ASB3: variants seen among roughly 807,000 people sequenced by gnomAD.
ASB3 encodes ankyrin repeat and SOCS box protein 3.
Under a neutral mutation model 54.5 loss-of-function variants are expected in ASB3, and 41 were observed. The ratio of observed to expected loss-of-function variants is 0.75; its 90% confidence interval spans 0.59 to 0.98. The LOEUF (loss-of-function observed/expected upper bound fraction) is 0.98. ASB3 is among the 50% of genes least tolerant of loss of function. The pLI, the probability that ASB3 is intolerant of heterozygous loss-of-function variation, is 0.00. For synonymous variants in ASB3, 266 were observed against 221.2 expected (o/e 1.20, Z -1.80); for missense variants, 733 against 620.0 (o/e 1.18, Z -1.94).
At chr2:53,750,717 AGCT>A in intron 3 of ASB3, 63 bp downstream of exon 3, 1 of 1,404,110 alleles carries the variant, frequency 7.1e-7, no homozygotes, top group Non-Finnish European at 9.3e-7. Flanking sequence ...GGAAAAATTA[AGCT>A]TAGTTTAACA....
Position 53,729,714 on chromosome 2 carries a change from C to T in ASB3, c.356-144G>A, listed in dbSNP as rs568494845. ...TAAACAGTTATCACAATTGTCTTAG[C>T]CCAAATCCATTAACATATATCTAAT... On this transcript the variant is annotated intron_variant, in intron 3 of 9. Coordinates refer to ENST00000263634, the MANE Select transcript of ASB3 (RefSeq NM_016115.5). 25 of 644,668 alleles carry T rather than the reference C, an allele frequency of 3.9e-5. No individual in the cohort carries two copies. The East Asian group carries it at 6.7e-4, about 17-fold the overall frequency. 39.9% of individuals were successfully genotyped at this position (644,668 alleles called of 1,614,324 possible). A position where few individuals can be genotyped will look rare whatever the true frequency, so the allele number is the denominator to read the frequency against.
At chr2:53,690,266 T>C (rs1572849017) in intron 9 of ASB3, among the ~76,000 whole-genome samples, 1 of 151,978 alleles carries the variant, frequency 6.6e-6, no homozygotes, top group East Asian at 1.9e-4. Flanking sequence ...AATTAATTAA[T>C]TAATTAAATT....
At position 53,738,124 on chromosome 2, in the gene ASB3, G is replaced by A. The variant is rs79978181; in HGVS notation, c.356-8554C>T. ...GTAAGCCCATGATATCAGGAACTAA[G>A]CCTGATAGTGTAGAGGCCTGATAAT... On this transcript the variant is annotated intron_variant, in intron 3 of 9. Coordinates refer to ENST00000263634, the MANE Select transcript of ASB3 (RefSeq NM_016115.5). Among the ~76,000 whole-genome samples the A allele has an allele frequency of 2.6e-5, 4 of 152,146 alleles. No homozygotes were observed. In the East Asian group the frequency reaches 7.7e-4, roughly 29 times the overall value.
intron 7 of ASB3, among the ~76,000 whole-genome samples, chr2:53,709,144 C>T (rs1156676913): frequency 6.6e-6 from 1 of 152,228 alleles, no homozygotes; most frequent in East Asian, 1.9e-4. Context: ...GGCCCAGAGG[C>T]CTAGGAGGAC....
At chr2:53,738,484 C>T (rs917096567) in intron 3 of ASB3, among the ~76,000 whole-genome samples, 2 of 152,154 alleles carry the variant, frequency 1.3e-5, no homozygotes, top group South Asian at 4.2e-4. Flanking sequence ...TTCAATCAAA[C>T]CAGACAAACT....
chr2:53,697,809 G>A (rs935192104), intron 8 of ASB3, among the ~76,000 whole-genome samples: 8 of 152,288 alleles, frequency 5.3e-5, no homozygotes, highest in Middle Eastern at 3.4e-3. Context: ...TGGGATGGAG[G>A]CTGAGCCTCC....
intron 1 of ASB3, among the ~76,000 whole-genome samples, chr2:53,779,227 G>A (rs1002292964): frequency 6.6e-6 from 1 of 151,976 alleles, no homozygotes; most frequent in Non-Finnish European, 1.5e-5. Flanking sequence ...TTTTTTAACT[G>A]GATTATTTGT....
intron 2 of ASB3, among the ~76,000 whole-genome samples, chr2:53,761,429 A>G (rs988189782): frequency 1.3e-5 from 2 of 152,066 alleles, no homozygotes; most frequent in Admixed American, 6.5e-5. Flanking sequence ...GCAAATGAAA[A>G]AAAAAAGGCA....
intron 3 of ASB3, among the ~76,000 whole-genome samples, chr2:53,745,710 C>T (rs1007756903): frequency 6.6e-6 from 1 of 152,204 alleles, no homozygotes; most frequent in African/African-American, 2.4e-5. Context: ...GCCATCAGGA[C>T]AGGTCCTATA....
rs745789532 is a variant in ASB3, at chr2:53,765,592, A to C, written c.-13-7T>G. 13 of 1,614,046 alleles carry C rather than the reference A, an allele frequency of 8.1e-6. No individual in the cohort carries two copies. Among genetic ancestry groups the C allele is most frequent in the Non-Finnish European group, 1.0e-5 (12 of 1,180,018 alleles). Reference sequence around the variant, plus strand: ...ATCCATTTGTTTGACCAGTCTACAAAACAAGGTAGAAGGATAATACTATAG... The same window carrying C: ...ATCCATTTGTTTGACCAGTCTACAACACAAGGTAGAAGGATAATACTATAG... On this transcript the variant is annotated splice_polypyrimidine_tract_variant and splice_region_variant and intron_variant, in intron 1 of 9. Transcript: ENST00000263634.
At position 53,670,316 on chromosome 2, in the gene ASB3, TTTA is replaced by T; in HGVS notation, c.*184_*186del. The T allele has an allele frequency of 1.3e-5, 4 of 298,840 alleles. No homozygotes were observed. The highest frequency in any genetic ancestry group is 1.8e-5 in the Non-Finnish European group (3 of 169,264). 18.5% of individuals were successfully genotyped at this position (298,840 alleles called of 1,614,324 possible). Reference sequence around the variant, plus strand: ...AATTTTTTTTTTTTTTTTTTTTTTTTTTACTGGGAAGGCTAGTTGTAAACATAA... The same window carrying T: ...AATTTTTTTTTTTTTTTTTTTTTTTTCTGGGAAGGCTAGTTGTAAACATAA... On this transcript the variant is annotated 3_prime_UTR_variant, in exon 10 of 10. Transcript: ENST00000263634.
chr2:53,734,118 C>G (rs115691200), intron 3 of ASB3, among the ~76,000 whole-genome samples: 8,509 of 152,206 alleles, frequency 0.056, 464 homozygotes, highest in East Asian at 0.28. Context: ...ATCCTTCCAG[C>G]GTGGGCGTTA....
At chr2:53,702,697 T>G (rs916462139) in intron 7 of ASB3, among the ~76,000 whole-genome samples, 7 of 151,682 alleles carry the variant, frequency 4.6e-5, no homozygotes, top group Admixed American at 4.6e-4. Flanking sequence ...ATTTTGGGGG[T>G]TTGCACATTT....
At chr2:53,702,765 A>G (rs1436441885) in intron 7 of ASB3, among the ~76,000 whole-genome samples, 1 of 152,212 alleles carries the variant, frequency 6.6e-6, no homozygotes, top group African/African-American at 2.4e-5. Context: ...CTCACACATA[A>G]AAGAAGCACA....
chr2:53,670,753 G>C, intron 9 of ASB3, 63 bp from the exon 10 acceptor site: 1 of 1,520,254 alleles, frequency 6.6e-7, no homozygotes, highest in South Asian at 1.3e-5. Context: ...AGCACATAAA[G>C]GTAAATTTTT....
chr2:53,724,424 C>G (rs1233691225), intron 5 of ASB3, among the ~76,000 whole-genome samples: 1 of 151,958 alleles, frequency 6.6e-6, no homozygotes, highest in Admixed American at 6.6e-5. Flanking sequence ...CGGTGAAAAC[C>G]CCATCTCTAC....
chr2:53,721,229 G>T (rs1052161359), intron 5 of ASB3, among the ~76,000 whole-genome samples: 2 of 151,368 alleles, frequency 1.3e-5, no homozygotes, highest in Admixed American at 1.3e-4. Flanking sequence ...ATACCAAGAA[G>T]ATCTTCCAAA....
chr2:53,716,623 C>G lies in ASB3; in HGVS notation c.725G>C (p.Cys242Ser). The G allele has an allele frequency of 6.2e-7, 1 of 1,614,146 alleles. No individual in the cohort carries two copies. Among genetic ancestry groups the G allele is most frequent in the East Asian group, 2.2e-5 (1 of 44,880 alleles). ...LSSGADPDLYCNEDSWQLPIH... is the reference protein window; with the variant it reads ...LSSGADPDLYSNEDSWQLPIH... ...AGGTAACTGCCAACTGTCCTCATTACAGTAAAGATCAGGATCTGCCCCACT... is the reference window on the plus strand; with the variant it reads ...AGGTAACTGCCAACTGTCCTCATTAGAGTAAAGATCAGGATCTGCCCCACT... The change falls in exon 6 of 10, where the codon TGT becomes TCT. Residue 242 changes from cysteine (C) to serine (S), a missense_variant. Cys to Ser is a moderately radical substitution (Grantham distance 112). Coordinates refer to ENST00000263634, the MANE Select transcript of ASB3 (RefSeq NM_016115.5).
intron 3 of ASB3, among the ~76,000 whole-genome samples, chr2:53,731,076 T>C (rs545831719): frequency 6.6e-5 from 10 of 152,326 alleles, no homozygotes; most frequent in East Asian, 5.8e-4. Context: ...CCAAAGCTTA[T>C]TTCCCCTATA....
Sources: allele counts gnomAD v4.1 joint callset (sites outside exome capture counted in the v4.1 genomes callset), GRCh38; gene constraint gnomAD v4.1.1; transcripts MANE v1.5; gene names NCBI Gene and HGNC (gene_info 2026-07-23, HGNC 2026-07-21).